TMEM165: variants seen among roughly 807,000 people sequenced by gnomAD.
TMEM165 encodes the protein transmembrane protein 165.
In TMEM165, 19 loss-of-function variants were observed where a neutral mutation model predicts 30.0. That is an observed-to-expected ratio of 0.63 (90% CI 0.44 to 0.93). The LOEUF (loss-of-function observed/expected upper bound fraction) is 0.93. Among genes scored for constraint, TMEM165 ranks in the 40% least tolerant of loss-of-function variants. The probability of loss-of-function intolerance (pLI) is 0.00; values close to 1 mark genes in which losing one functional copy is unlikely to be tolerated. For synonymous variants in TMEM165, 168 were observed against 162.9 expected (o/e 1.03, Z -0.24); for missense variants, 340 against 417.0 (o/e 0.82, Z 1.61).
At chr4:55,414,006 C>T (rs1387381917) in intron 2 of TMEM165, among the ~76,000 whole-genome samples, 2 of 152,142 alleles carry the variant, frequency 1.3e-5, no homozygotes, top group South Asian at 2.1e-4. Context: ...CGGTGGCTCA[C>T]GCCTGTGATC....
chr4:55,445,582 C>CTTTTTTTTTTTTTTTTTTT lies in TMEM165; in HGVS notation c.409-6649_409-6631dup, dbSNP rs56157186. Among the ~76,000 whole-genome samples the CTTTTTTTTTTTTTTTTTTT allele has an allele frequency of 2.9e-3, 198 of 68,590 alleles. 35 individuals carry two copies. The highest frequency in any genetic ancestry group is 5.4e-3 in the East Asian group (11 of 2,022). 45.0% of individuals were successfully genotyped at this position (68,590 alleles called of 152,430 possible). A position where few individuals can be genotyped will look rare whatever the true frequency, so the allele number is the denominator to read the frequency against. On this transcript the variant is annotated intron_variant, in intron 3 of 3. Coordinates refer to the TMEM165 transcript ENST00000608091. ...TCTCTGCATCTGCTATTTCTATATT[C>CTTTTTTTTTTTTTTTTTTT]TTTTTTTTTTTTTTTTTTTTTTTTT... is the stretch of plus-strand genomic sequence containing the variant.
intron 2 of TMEM165, chr4:55,412,192 G>A (rs914454916): frequency 3.3e-6 from 1 of 302,658 alleles, no homozygotes; most frequent in Non-Finnish European, 6.3e-6. Context: ...CAGGAGTTCC[G>A]AGATCAGCCT....
In TMEM165 at chr4:55,442,405, A is replaced by C. The variant is rs377560621; in HGVS notation, c.409-9834A>C. 529 of 1,585,990 alleles carry C rather than the reference A, an allele frequency of 3.3e-4. 9 individuals carry two copies. The South Asian group carries it at 5.2e-3, about 16-fold the overall frequency. ...CTAATCAATCGGTTTACAATTTTAA[A>C]AATAACAAATGAAATATGACAACTA... On this transcript the variant is annotated intron_variant, in intron 3 of 3. Coordinates refer to the TMEM165 transcript ENST00000608091.
chr4:55,415,920 T>G (rs2109549735), intron 2 of TMEM165: 1 of 152,192 alleles, frequency 6.6e-6, no homozygotes, highest in Admixed American at 6.5e-5. Context: ...AGTGGCATGA[T>G]CGCAGCTCAC....
chr4:55,416,107 G>C (rs1015413712), intron 2 of TMEM165: 1 of 152,010 alleles, frequency 6.6e-6, no homozygotes, highest in Non-Finnish European at 1.5e-5. Flanking sequence ...CGCCCGACTC[G>C]GTCTCCCAAA....
chr4:55,446,903 GT>G (rs1274342383), intron 3 of TMEM165, among the ~76,000 whole-genome samples: 1 of 152,116 alleles, frequency 6.6e-6, no homozygotes, highest in African/African-American at 2.4e-5. Flanking sequence ...ATCTTCAATA[GT>G]TTGTATTTGG....
At chr4:55,432,876 T>C (rs1288716714) in intron 3 of TMEM165, 1 of 152,580 alleles carries the variant, frequency 6.6e-6, no homozygotes, top group African/African-American at 2.4e-5. Context: ...TGGGAAATAA[T>C]TGAAGGGGCT....
At chr4:55,433,438 C>A (rs1449942813) in intron 3 of TMEM165, 1 of 152,422 alleles carries the variant, frequency 6.6e-6, no homozygotes, top group Non-Finnish European at 1.5e-5. Context: ...AAGTATATGC[C>A]TTAAGGATAA....
chr4:55,438,340 G>T, intron 3 of TMEM165: 2 of 1,614,052 alleles, frequency 1.2e-6, no homozygotes, highest in Non-Finnish European at 1.7e-6. Context: ...CTGAACTGAA[G>T]TGAGCTGCTG....
At chr4:55,411,134 CA>C (rs575523700) in intron 1 of TMEM165, among the ~76,000 whole-genome samples, 5,840 of 65,800 alleles carry the variant, frequency 0.089, 103 homozygotes, top group Non-Finnish European at 0.12. Flanking sequence ...GATTTTGTCT[CA>C]AAAAAAAAAA....
At chr4:55,450,162 T>C (rs1461114621) in intron 3 of TMEM165, 3 of 1,614,086 alleles carry the variant, frequency 1.9e-6, no homozygotes, top group South Asian at 2.2e-5. Flanking sequence ...GGTTGGGCTG[T>C]GATCAAACCT....
At chr4:55,443,772 T>C in intron 3 of TMEM165, 6 of 1,614,126 alleles carry the variant, frequency 3.7e-6, no homozygotes, top group Non-Finnish European at 5.1e-6. Context: ...ACTTTGAATC[T>C]GGTTAGTAGG....
chr4:55,417,728 GA>G, intron 3 of TMEM165, 74 bp from the exon 4 acceptor site: 1 of 1,236,862 alleles, frequency 8.1e-7, no homozygotes, highest in African/African-American at 1.5e-5. Flanking sequence ...TAAACACTTA[GA>G]AAAGTCAAGT....
At chr4:55,409,842 T>C (rs770325956) in intron 1 of TMEM165, among the ~76,000 whole-genome samples, 58 of 152,194 alleles carry the variant, frequency 3.8e-4, no homozygotes, top group Non-Finnish European at 6.9e-4. Flanking sequence ...CAGAAATCTC[T>C]CCTCTCTGTT....
chr4:55,411,364 T>C (rs1329499066), intron 1 of TMEM165, among the ~76,000 whole-genome samples: 6 of 152,106 alleles, frequency 3.9e-5, no homozygotes, highest in Non-Finnish European at 7.3e-5. Flanking sequence ...GATATAAATA[T>C]TCCAAAATCT....
At chr4:55,444,510 T>G in intron 3 of TMEM165, 1 of 1,166,694 alleles carries the variant, frequency 8.6e-7, no homozygotes, top group South Asian at 1.2e-5. Context: ...CCAGTGAATA[T>G]TTATTGAACT....
chr4:55,402,406 T>TATATAC (rs1445657099), intron 1 of TMEM165, among the ~76,000 whole-genome samples: 7 of 35,134 alleles, frequency 2.0e-4, no homozygotes, highest in Non-Finnish European at 9.4e-5. Flanking sequence ...TGTGTGTGTA[T>TATATAC]ATATATATAT....
intron 3 of TMEM165, among the ~76,000 whole-genome samples, chr4:55,437,890 G>T (rs1723014588): frequency 2.0e-5 from 3 of 152,196 alleles, no homozygotes; most frequent in East Asian, 3.9e-4. Context: ...ATAATTTAAG[G>T]TAACACCTAT....
intron 3 of TMEM165, chr4:55,433,072 A>G (rs1722627123): frequency 6.6e-6 from 1 of 152,670 alleles, no homozygotes; most frequent in African/African-American, 2.4e-5. Context: ...GGTATTGCCA[A>G]TAAATAAATG....
Sources: gnomAD v4.1 joint callset for allele counts (sites outside exome capture counted in the v4.1 genomes callset) on GRCh38, gnomAD v4.1.1 for gene constraint, MANE v1.5 for transcripts, NCBI Gene and HGNC (gene_info 2026-07-23, HGNC 2026-07-21) for gene names.